Variants in PRXL2C observed in about 807,000 individuals in gnomAD.
PRXL2C encodes the protein peroxiredoxin-like 2C.
Under a neutral mutation model 24.9 loss-of-function variants are expected in PRXL2C, and 38 were observed. The observed-to-expected ratio is 1.53, with a 90% CI of 1.18 to 2.00. PRXL2C has a LOEUF of 2.00. Ranked by LOEUF, PRXL2C falls within the 30% of genes most tolerant of loss-of-function variation. The pLI is 0.00. For synonymous variants in PRXL2C, 98 were observed against 117.2 expected (o/e 0.84, Z 1.06); for missense variants, 294 against 290.9 (o/e 1.01, Z -0.08).
chr9:96,642,891 C>T (rs1159894813), intron 5 of PRXL2C, among the ~76,000 whole-genome samples: 2 of 152,178 alleles, frequency 1.3e-5, no homozygotes, highest in East Asian at 1.9e-4. Flanking sequence ...CCATGAGTTC[C>T]GCATCCTCAT....
At chr9:96,653,149 C>T (rs1035483640) in intron 2 of PRXL2C, among the ~76,000 whole-genome samples, 18 of 151,932 alleles carry the variant, frequency 1.2e-4, no homozygotes, top group African/African-American at 3.4e-4. Context: ...ATGGCGTGAA[C>T]CCGGGAGGCG....
At chr9:96,655,018 C>T in intron 1 of PRXL2C, 72 bp downstream of exon 1, 4 of 1,401,274 alleles carry the variant, frequency 2.9e-6, no homozygotes, top group African/African-American at 3.0e-5. Flanking sequence ...AAGCAGGAGG[C>T]GCGGCTCGCA....
At chr9:96,646,788 T>TG (rs1848205936) in intron 4 of PRXL2C, among the ~76,000 whole-genome samples, 1 of 152,102 alleles carries the variant, frequency 6.6e-6, no homozygotes, top group African/African-American at 2.4e-5. Context: ...AAACCGTTCT[T>TG]GAAAAAAAAT....
At chr9:96,654,034 G>T (rs923764399) in intron 2 of PRXL2C, among the ~76,000 whole-genome samples, 1 of 152,134 alleles carries the variant, frequency 6.6e-6, no homozygotes, top group Non-Finnish European at 1.5e-5. Context: ...TAGAGTCAGG[G>T]TTTCACCGTG....
intron 4 of PRXL2C, 115 bp downstream of exon 4, chr9:96,651,275 C>A: frequency 1.3e-6 from 1 of 773,838 alleles, no homozygotes; most frequent in Non-Finnish European, 2.1e-6. Context: ...GAGACTCCAT[C>A]TCAAAAAAAA....
chr9:96,645,103 GT>G, intron 5 of PRXL2C, among the ~76,000 whole-genome samples: 1 of 151,338 alleles, frequency 6.6e-6, no homozygotes, highest in East Asian at 2.0e-4. Context: ...TAGAGACGGG[GT>G]TTCACCGTGT....
chr9:96,641,219 A>G lies in PRXL2C; in HGVS notation c.*540T>C, dbSNP rs1381070948. On this transcript the variant is annotated 3_prime_UTR_variant, in exon 6 of 6. Coordinates refer to ENST00000375234, the MANE Select transcript of PRXL2C (RefSeq NM_153698.2). ...TGGGAAATACAGAAAAGTACAGAAAAGAAAATAATAACACTAATCTTAACA... is the reference window on the plus strand; with the variant it reads ...TGGGAAATACAGAAAAGTACAGAAAGGAAAATAATAACACTAATCTTAACA... 1 of 152,246 alleles carries G rather than the reference A, an allele frequency of 6.6e-6. No homozygotes were observed. Among genetic ancestry groups the G allele is most frequent in the East Asian group, 1.9e-4 (1 of 5,198 alleles). 9.4% of individuals were successfully genotyped at this position (152,246 alleles called of 1,614,324 possible).
chr9:96,647,946 C>G (rs919767827), intron 4 of PRXL2C, among the ~76,000 whole-genome samples: 5 of 152,160 alleles, frequency 3.3e-5, no homozygotes, highest in African/African-American at 7.2e-5. Flanking sequence ...ATCCGTCACC[C>G]AGGCGGGAGT....
chr9:96,654,602 G>C (rs1186944793), intron 2 of PRXL2C, 103 bp downstream of exon 2: 7 of 1,024,352 alleles, frequency 6.8e-6, no homozygotes, highest in Non-Finnish European at 1.0e-5. Context: ...TGCGGGGAGG[G>C]GCAATCCAGG....
intron 5 of PRXL2C, among the ~76,000 whole-genome samples, chr9:96,644,795 T>C (rs1471199038): frequency 4.7e-5 from 7 of 150,520 alleles, no homozygotes; most frequent in Non-Finnish European, 1.0e-4. Flanking sequence ...CCCAATCTTA[T>C]GGGATGAGCT....
At chr9:96,651,364 T>C in intron 4 of PRXL2C, 26 bp downstream of exon 4, 1 of 1,486,442 alleles carries the variant, frequency 6.7e-7, no homozygotes, top group African/African-American at 1.4e-5. Flanking sequence ...ACCAGTGTTT[T>C]CTATTTGAGA....
At chr9:96,653,646 C>T (rs777720055) in intron 2 of PRXL2C, among the ~76,000 whole-genome samples, 8 of 152,148 alleles carry the variant, frequency 5.3e-5, no homozygotes, top group Non-Finnish European at 8.8e-5. Context: ...TCGATTTAAT[C>T]ATTCCACAAC....
At chr9:96,648,094 G>C (rs1848219537) in intron 4 of PRXL2C, among the ~76,000 whole-genome samples, 1 of 151,680 alleles carries the variant, frequency 6.6e-6, no homozygotes, top group Non-Finnish European at 1.5e-5. Context: ...GTAGAGACAG[G>C]GTCTGGCCAT....
chr9:96,643,546 C>A (rs1366082853), intron 5 of PRXL2C, among the ~76,000 whole-genome samples: 1 of 152,056 alleles, frequency 6.6e-6, no homozygotes, highest in Non-Finnish European at 1.5e-5. Context: ...GCGCCCAGCC[C>A]ATGTACTCTT....
At chr9:96,649,496 G>C (rs1481051174) in intron 4 of PRXL2C, among the ~76,000 whole-genome samples, 1 of 134,214 alleles carries the variant, frequency 7.5e-6, no homozygotes, top group African/African-American at 3.8e-5. Flanking sequence ...CCCAGGAGGT[G>C]GAGGTTGCAG....
intron 5 of PRXL2C, among the ~76,000 whole-genome samples, chr9:96,642,211 T>C (rs1210466745): frequency 1.3e-5 from 2 of 152,138 alleles, no homozygotes; most frequent in Admixed American, 6.6e-5. Context: ...GGAACTCACA[T>C]AGATATCAAG....
Position 96,655,302 on chromosome 9 carries a change from C to G in PRXL2C, c.-21G>C. ...GCCATGACGCGGGGCGGCCGAGGGC[C>G]TGGGTCCGCTCTGTCAGCGCGGACC... On this transcript the variant is annotated 5_prime_UTR_variant, in exon 1 of 6. Coordinates refer to ENST00000375234, the MANE Select transcript of PRXL2C (RefSeq NM_153698.2). 3 of 1,039,146 alleles carry G rather than the reference C, an allele frequency of 2.9e-6. No homozygotes were observed. The highest frequency in any genetic ancestry group is 8.9e-5 in the South Asian group (2 of 22,490). 64.4% of individuals were successfully genotyped at this position (1,039,146 alleles called of 1,614,324 possible).
chr9:96,654,891 C>CAG, intron 1 of PRXL2C, 118 bp from the exon 2 acceptor site: 3 of 1,235,218 alleles, frequency 2.4e-6, no homozygotes, highest in Non-Finnish European at 3.2e-6. Flanking sequence ...GGGCCGGGAC[C>CAG]GGCGGCTCGG....
chr9:96,654,492 A>T (rs896651830), intron 2 of PRXL2C, among the ~76,000 whole-genome samples: 6 of 152,250 alleles, frequency 3.9e-5, no homozygotes, highest in Non-Finnish European at 5.9e-5. Flanking sequence ...GCAACACCAC[A>T]ATTGTTAGTA....
Sources: gnomAD v4.1 joint callset for allele counts (sites outside exome capture counted in the v4.1 genomes callset) on GRCh38, gnomAD v4.1.1 for gene constraint, MANE v1.5 for transcripts, NCBI Gene and HGNC (gene_info 2026-07-23, HGNC 2026-07-21) for gene names.